The following PRELID2 variants were observed in gnomAD, a reference collection of about 807,000 sequenced individuals.
The protein encoded by PRELID2 is PRELI domain containing 2.
A neutral mutation model predicts 28.4 loss-of-function variants in PRELID2; 25 were observed. The observed-to-expected ratio is 0.88, with a 90% confidence interval of 0.64 to 1.23. The LOEUF (loss-of-function observed/expected upper bound fraction) is 1.23. PRELID2 is among the 50% of genes most tolerant of loss of function. PRELID2 has a pLI of 0.00. For missense variants in PRELID2, 201 were observed against 214.4 expected, an observed-to-expected ratio of 0.94 and a Z score of 0.39; for synonymous variants, 76 against 71.6, an observed-to-expected ratio of 1.06 and a Z score of -0.31.
intron 1 of PRELID2, among the ~76,000 whole-genome samples, chr5:145,750,963 A>G (rs1463020524): frequency 1.3e-5 from 2 of 152,196 alleles, no homozygotes; most frequent in Non-Finnish European, 2.9e-5. Context: ...CTGTAGACTG[A>G]CTGGTTAGAG....
the PRELID2 span, among the ~76,000 whole-genome samples, chr5:145,404,166 A>G: frequency 3.2e-3 from 493 of 152,296 alleles, 4 homozygotes; most frequent in African/African-American, 0.011. Context: ...CCACTACCGA[A>G]TGGTGTATTT....
At chr5:145,773,742 T>C (rs1758244854) in intron 5 of PRELID2, among the ~76,000 whole-genome samples, 1 of 152,248 alleles carries the variant, frequency 6.6e-6, no homozygotes, top group Non-Finnish European at 1.5e-5. Context: ...TTATCAGCCA[T>C]TTTTTCACTA....
chr5:145,718,626 C>T (rs1445133666), intron 1 of PRELID2, among the ~76,000 whole-genome samples: 1 of 151,738 alleles, frequency 6.6e-6, no homozygotes, highest in Non-Finnish European at 1.5e-5. Context: ...AACTAAAAAG[C>T]AAGCTTCTAG....
the PRELID2 span, among the ~76,000 whole-genome samples, chr5:145,386,840 G>C: frequency 6.6e-6 from 1 of 152,070 alleles, no homozygotes; most frequent in Non-Finnish European, 1.5e-5. Flanking sequence ...TCAACCTCTG[G>C]AATCATAATG....
the PRELID2 span, among the ~76,000 whole-genome samples, chr5:145,363,089 G>A: frequency 7.3e-6 from 1 of 137,612 alleles, no homozygotes; most frequent in African/African-American, 2.7e-5. Context: ...CTGCATTCTT[G>A]ATTCTAGCCA....
At chr5:145,291,611 G>A in the PRELID2 span, among the ~76,000 whole-genome samples, 1 of 152,018 alleles carries the variant, frequency 6.6e-6, no homozygotes, top group African/African-American at 2.4e-5. Context: ...GCAGCCCTAG[G>A]AAATGAATCC....
the PRELID2 span, among the ~76,000 whole-genome samples, chr5:145,376,639 C>T: frequency 6.6e-6 from 1 of 152,112 alleles, no homozygotes. Flanking sequence ...ATGAATCCAG[C>T]AATTTATCCA....
In PRELID2 at chr5:145,657,689, AAAAG is replaced by A. The variant is rs528528153; in HGVS notation, n.70+107238_70+107241del. Among the ~76,000 whole-genome samples, 185 of 152,316 alleles carry A rather than the reference AAAAG, an allele frequency of 1.2e-3. 1 individual carries two copies. The highest frequency in any genetic ancestry group is 4.2e-3 in the African/African-American group (176 of 41,568). ...AACAGAGCAAGACTCCGTCTCAAAA[AAAAG>A]AAAGAAAGAAAGTGAAATGAGCCCT... On this transcript the variant is annotated intron_variant and non_coding_transcript_variant, in intron 1 of 2. Transcript: ENST00000510259.
chr5:145,297,281 G>C, the PRELID2 span, among the ~76,000 whole-genome samples: 1 of 152,012 alleles, frequency 6.6e-6, no homozygotes, highest in Non-Finnish European at 1.5e-5. Flanking sequence ...CCTATGTCCT[G>C]AATGGTAATG....
chr5:145,819,067 G>A (rs1754574317), intron 3 of PRELID2, among the ~76,000 whole-genome samples: 1 of 152,206 alleles, frequency 6.6e-6, no homozygotes, highest in African/African-American at 2.4e-5. Context: ...CTGCTGCCAT[G>A]TAACATGTAT....
intron 1 of PRELID2, among the ~76,000 whole-genome samples, chr5:145,564,510 G>C (rs2126696688): frequency 6.6e-6 from 1 of 152,302 alleles, no homozygotes; most frequent in Middle Eastern, 3.4e-3. Flanking sequence ...CCAGGTTTCA[G>C]TTTCAGTGTC....
At chr5:145,316,683 G>A in the PRELID2 span, among the ~76,000 whole-genome samples, 1 of 152,178 alleles carries the variant, frequency 6.6e-6, no homozygotes. Context: ...GAGAGTTAGG[G>A]CTACTCCCCA....
chr5:145,580,539 A>C (rs548873811), intron 1 of PRELID2, among the ~76,000 whole-genome samples: 4 of 152,140 alleles, frequency 2.6e-5, no homozygotes, highest in South Asian at 4.1e-4. Flanking sequence ...TCTAGTGCTG[A>C]GTTGAGTAGA....
the PRELID2 span, among the ~76,000 whole-genome samples, chr5:145,398,846 G>C: frequency 8.5e-5 from 13 of 152,196 alleles, no homozygotes; most frequent in African/African-American, 3.1e-4. Context: ...TAGAAGGAAG[G>C]AAGGAAGTCT....
intron 1 of PRELID2, among the ~76,000 whole-genome samples, chr5:145,529,749 A>C (rs1473430276): frequency 6.6e-6 from 1 of 152,088 alleles, no homozygotes; most frequent in African/African-American, 2.4e-5. Context: ...AAGATACAAA[A>C]TATGTGTCTG....
chr5:145,370,322 T>G, the PRELID2 span, among the ~76,000 whole-genome samples: 1 of 150,990 alleles, frequency 6.6e-6, no homozygotes, highest in Admixed American at 6.6e-5. Flanking sequence ...GGTCTAGTTG[T>G]TTATTTTTTT....
intron 1 of PRELID2, among the ~76,000 whole-genome samples, chr5:145,827,656 T>C (rs1301744697): frequency 1.3e-5 from 2 of 152,220 alleles, no homozygotes; most frequent in African/African-American, 4.8e-5. Flanking sequence ...CAGTTTTTCA[T>C]TGTAACACAG....
At chr5:145,390,709 G>T in the PRELID2 span, among the ~76,000 whole-genome samples, 1 of 152,064 alleles carries the variant, frequency 6.6e-6, no homozygotes, top group Non-Finnish European at 1.5e-5. Flanking sequence ...AGCTCCCAAA[G>T]TCTTAGTTCA....
intron 1 of PRELID2, among the ~76,000 whole-genome samples, chr5:145,509,158 A>C (rs942557815): frequency 6.6e-6 from 1 of 152,190 alleles, no homozygotes; most frequent in African/African-American, 2.4e-5. Context: ...AACATCCGTG[A>C]TATGGGTTAA....
Sources: allele counts gnomAD v4.1 joint callset (sites outside exome capture counted in the v4.1 genomes callset), GRCh38; gene constraint gnomAD v4.1.1; transcripts MANE v1.5; gene names NCBI Gene and HGNC (gene_info 2026-07-23, HGNC 2026-07-21).